Variants in LINGO2 observed in about 807,000 individuals in gnomAD.
The protein encoded by LINGO2 is leucine-rich repeat and immunoglobulin-like domain-containing nogo receptor-interacting protein 2.
LINGO2 carries 14 observed loss-of-function variants against 30.6 expected under a neutral mutation model. The ratio of observed to expected loss-of-function variants is 0.46; its 90% confidence interval spans 0.30 to 0.72. The LOEUF (loss-of-function observed/expected upper bound fraction) is 0.72. Ranked by LOEUF, LINGO2 falls within the 30% of genes least tolerant of loss-of-function variation. The probability of loss-of-function intolerance (pLI) is 0.07; values close to 1 mark genes in which losing one functional copy is unlikely to be tolerated. For synonymous variants in LINGO2, 317 were observed against 288.5 expected, an observed-to-expected ratio of 1.10 and a Z score of -1.00; for missense variants, 729 against 751.7, an observed-to-expected ratio of 0.97 and a Z score of 0.35.
chr9:29,086,616 A>G, the LINGO2 span, among the ~76,000 whole-genome samples: 1 of 152,126 alleles, frequency 6.6e-6, no homozygotes, highest in African/African-American at 2.4e-5. Context: ...AGAGAAGGTG[A>G]AAAAAATTGA....
intron 5 of LINGO2, among the ~76,000 whole-genome samples, chr9:27,958,721 C>A (rs1046617937): frequency 1.1e-4 from 17 of 152,020 alleles, no homozygotes; most frequent in African/African-American, 4.1e-4. Flanking sequence ...GTAGTATCTG[C>A]AGTTTCAGGC....
chr9:28,323,417 T>C (rs377315564), intron 3 of LINGO2, among the ~76,000 whole-genome samples: 5 of 152,252 alleles, frequency 3.3e-5, no homozygotes, highest in African/African-American at 1.2e-4. Context: ...CTGGCCAACA[T>C]GGTGAAATGC....
the LINGO2 span, among the ~76,000 whole-genome samples, chr9:29,054,250 C>T: frequency 1.3e-5 from 2 of 152,088 alleles, no homozygotes; most frequent in Non-Finnish European, 2.9e-5. Context: ...AAAAATTTCA[C>T]TTATTTAAAA....
At chr9:29,126,186 A>G in the LINGO2 span, among the ~76,000 whole-genome samples, 346 of 152,232 alleles carry the variant, frequency 2.3e-3, 1 homozygote, top group African/African-American at 7.8e-3. Context: ...ACTTAGGGGG[A>G]AAATAGTTTC....
chr9:28,586,773 C>T (rs1481681465), intron 1 of LINGO2, among the ~76,000 whole-genome samples: 1 of 151,888 alleles, frequency 6.6e-6, no homozygotes, highest in African/African-American at 2.4e-5. Context: ...TGAGCAGGGC[C>T]GTGGAGAGAG....
At chr9:28,288,906 G>A (rs1340540796) in intron 4 of LINGO2, among the ~76,000 whole-genome samples, 1 of 152,000 alleles carries the variant, frequency 6.6e-6, no homozygotes, top group East Asian at 1.9e-4. Context: ...CCATTAATGG[G>A]GCATACTATT....
At chr9:27,944,614 G>A (rs1276737925), downstream of LINGO2, 1 of 152,114 alleles carries the variant, frequency 6.6e-6, no homozygotes, top group African/African-American at 2.4e-5. Context: ...AAACATCAAG[G>A]GTTCTAGCTG....
At chr9:28,907,700 G>A in the LINGO2 span, among the ~76,000 whole-genome samples, 10 of 151,616 alleles carry the variant, frequency 6.6e-5, no homozygotes, top group Non-Finnish European at 1.2e-4. Flanking sequence ...ATGAGAAGGG[G>A]CCAGACTTAA....
the LINGO2 span, among the ~76,000 whole-genome samples, chr9:29,207,215 G>A: frequency 6.6e-6 from 1 of 151,978 alleles, no homozygotes; most frequent in South Asian, 2.1e-4. Flanking sequence ...TAAAGGTCAA[G>A]TCAAAAATTG....
the LINGO2 span, among the ~76,000 whole-genome samples, chr9:28,992,462 C>CCG: frequency 2.0e-5 from 3 of 150,278 alleles, no homozygotes; most frequent in Non-Finnish European, 4.5e-5. Context: ...ATCAATGAGA[C>CCG]AAAGTTAACA....
chr9:29,162,569 A>G, the LINGO2 span, among the ~76,000 whole-genome samples: 4 of 152,198 alleles, frequency 2.6e-5, no homozygotes, highest in African/African-American at 9.6e-5. Context: ...ATAAGAATGA[A>G]GTAATGAATC....
intron 4 of LINGO2, among the ~76,000 whole-genome samples, chr9:28,100,480 T>C (rs950094273): frequency 6.6e-6 from 1 of 152,108 alleles, no homozygotes; most frequent in Non-Finnish European, 1.5e-5. Context: ...TAGAGAGAAA[T>C]GAACACATGC....
chr9:29,073,903 A>G, the LINGO2 span, among the ~76,000 whole-genome samples: 1 of 152,196 alleles, frequency 6.6e-6, no homozygotes, highest in Non-Finnish European at 1.5e-5. Flanking sequence ...TTAGTATTTT[A>G]AAATTAAATA....
the LINGO2 span, among the ~76,000 whole-genome samples, chr9:28,970,112 T>G: frequency 6.6e-6 from 1 of 151,892 alleles, no homozygotes; most frequent in East Asian, 2.0e-4. Flanking sequence ...GGAATAATAG[T>G]GAAGAGAAGA....
chr9:28,921,106 C>G, the LINGO2 span, among the ~76,000 whole-genome samples: 16 of 152,130 alleles, frequency 1.1e-4, 1 homozygote, highest in South Asian at 3.3e-3. Flanking sequence ...TGAGAGGCAG[C>G]TTTATCGTAT....
intron 4 of LINGO2, among the ~76,000 whole-genome samples, chr9:28,109,441 GGT>G (rs1401500873): frequency 7.9e-5 from 12 of 152,116 alleles, no homozygotes. Flanking sequence ...AATAGGAAGA[GGT>G]GAAGTCAAAT....
intron 3 of LINGO2, among the ~76,000 whole-genome samples, chr9:28,350,447 T>G (rs1819816717): frequency 6.7e-6 from 1 of 149,450 alleles, no homozygotes; most frequent in African/African-American, 2.5e-5. Context: ...CAAGAAGAGC[T>G]AACTATCCTA....
chr9:28,428,747 G>A (rs1334093396), intron 2 of LINGO2, among the ~76,000 whole-genome samples: 4 of 152,060 alleles, frequency 2.6e-5, no homozygotes, highest in African/African-American at 9.7e-5. Flanking sequence ...AGACACACCT[G>A]GATTTGAAAC....
the LINGO2 span, among the ~76,000 whole-genome samples, chr9:28,877,983 G>T: frequency 6.6e-6 from 1 of 152,026 alleles, no homozygotes; most frequent in African/African-American, 2.4e-5. Context: ...TTGAAAGTTG[G>T]ATTCCTAGGT....
Sources: allele counts gnomAD v4.1 joint callset (sites outside exome capture counted in the v4.1 genomes callset), GRCh38; gene constraint gnomAD v4.1.1; transcripts MANE v1.5; gene names NCBI Gene and HGNC (gene_info 2026-07-23, HGNC 2026-07-21).